RAB12: variants seen among roughly 807,000 people sequenced by gnomAD.
RAB12 encodes the protein ras-related protein Rab-12.
RAB12 carries 11 observed loss-of-function variants against 28.4 expected under a neutral mutation model. That is an observed-to-expected ratio of 0.39 (90% CI 0.24 to 0.64). The LOEUF (loss-of-function observed/expected upper bound fraction) is 0.64, where lower values mean the gene tolerates loss of function less well. RAB12 is among the 30% of genes least tolerant of loss of function. The pLI, the probability that RAB12 is intolerant of heterozygous loss-of-function variation, is 0.50. For missense variants in RAB12, 276 were observed against 351.1 expected, an observed-to-expected ratio of 0.79 and a Z score of 1.71; for synonymous variants, 138 against 145.3, an observed-to-expected ratio of 0.95 and a Z score of 0.36.
At chr18:8,623,877 T>C (rs1277809972) in intron 1 of RAB12, among the ~76,000 whole-genome samples, 4 of 152,270 alleles carry the variant, frequency 2.6e-5, no homozygotes, top group African/African-American at 9.6e-5. Flanking sequence ...CCCAGGGCTG[T>C]AAACATGCCT....
At chr18:8,618,242 C>T (rs2096007748) in intron 1 of RAB12, among the ~76,000 whole-genome samples, 1 of 152,094 alleles carries the variant, frequency 6.6e-6, no homozygotes, top group Non-Finnish European at 1.5e-5. Flanking sequence ...AGCGTGCCAA[C>T]CCTGGAGTGC....
rs2096002762 is a variant in RAB12 at position 8,609,935 on chromosome 18, G to C, written c.496G>C (p.Ala166Pro). The change falls in exon 1 of 6, where the codon GCC becomes CCC. Residue 166 changes from alanine (A) to proline (P), a missense_variant. Coordinates refer to ENST00000649141, the MANE Select transcript of RAB12 (RefSeq NM_001025300.3). ...CTTCACCGACGACACCTTCTGCGAG[G>C]CCTGCAAGTCCACCGTGGGTAAGGG... ...ERFTDDTFCE[A>P]CKSTVGVDFK... The C allele has an allele frequency of 6.2e-7, 1 of 1,608,712 alleles. No homozygotes were observed. The highest frequency in any genetic ancestry group is 8.5e-7 in the Non-Finnish European group (1 of 1,177,838).
intron 1 of RAB12, among the ~76,000 whole-genome samples, chr18:8,624,658 G>C (rs945447552): frequency 1.3e-5 from 2 of 152,174 alleles, no homozygotes; most frequent in African/African-American, 4.8e-5. Context: ...ATGCTGAACT[G>C]TGGTAGTTAT....
rs2096020214 is a variant in RAB12 at position 8,638,409 on chromosome 18, A to C, written c.*147A>C. On this transcript the variant is annotated 3_prime_UTR_variant, in exon 6 of 6. Transcript: ENST00000649141. Reference sequence around the variant, plus strand: ...CTAACTTGTAAATATGCATATATGCAATCCTGGGTAAGTTTTGGTTATAAG... The same window carrying C: ...CTAACTTGTAAATATGCATATATGCCATCCTGGGTAAGTTTTGGTTATAAG... 2 of 607,280 alleles carry C rather than the reference A, an allele frequency of 3.3e-6. No homozygotes were observed. Among genetic ancestry groups the C allele is most frequent in the South Asian group, 3.9e-5 (2 of 50,646 alleles). The allele number at this position is 607,280 out of a possible 1,614,324, so 37.6% of individuals were successfully genotyped here. A position where few individuals can be genotyped will look rare whatever the true frequency, so the allele number is the denominator to read the frequency against.
chr18:8,636,047 C>G (rs1416314507), intron 4 of RAB12: 1 of 543,628 alleles, frequency 1.8e-6, no homozygotes, highest in East Asian at 3.2e-5. Context: ...CCCGGCATCA[C>G]CTTCAGGATT....
In RAB12 at chr18:8,617,491, T is replaced by C. The variant is rs531443299; in HGVS notation, c.515-7447T>C. Among the ~76,000 whole-genome samples, 358 of 152,032 alleles carry C rather than the reference T, an allele frequency of 2.4e-3. 1 individual carries two copies. The highest frequency in any genetic ancestry group is 8.5e-3 in the African/African-American group (352 of 41,464). ...AATCTCTTCCCTTTAAATATTCTCC[T>C]CCTCTTTTGACCAGGAACTCAAATA... On this transcript the variant is annotated intron_variant, in intron 1 of 5. Coordinates refer to ENST00000649141, the MANE Select transcript of RAB12 (RefSeq NM_001025300.3).
intron 2 of RAB12, among the ~76,000 whole-genome samples, chr18:8,631,123 C>T (rs1196452628): frequency 6.6e-6 from 1 of 152,224 alleles, no homozygotes; most frequent in Admixed American, 6.5e-5. Context: ...CTCGTGGCCT[C>T]AGGTGACTTG....
At chr18:8,637,862 C>T (rs1227092243) in intron 5 of RAB12, among the ~76,000 whole-genome samples, 2 of 152,056 alleles carry the variant, frequency 1.3e-5, no homozygotes, top group Admixed American at 6.6e-5. Context: ...AATATATTTA[C>T]TATTCATTAG....
chr18:8,613,861 GTA>G (rs2096005250), intron 1 of RAB12, among the ~76,000 whole-genome samples: 24 of 152,006 alleles, frequency 1.6e-4, no homozygotes, highest in Non-Finnish European at 1.3e-4. Flanking sequence ...AGTAGTAGTA[GTA>G]GTAGTGGTCA....
chr18:8,616,706 C>G (rs1264683306), intron 1 of RAB12, among the ~76,000 whole-genome samples: 2 of 150,316 alleles, frequency 1.3e-5, no homozygotes, highest in Non-Finnish European at 1.5e-5. Context: ...TAATTTTTTA[C>G]TTAAAAAGAA....
chr18:8,635,280 T>G, intron 3 of RAB12: 1 of 283,348 alleles, frequency 3.5e-6, no homozygotes, highest in Non-Finnish European at 6.6e-6. Flanking sequence ...TAGGAAGAGG[T>G]CTTGGGAATT....
intron 1 of RAB12, among the ~76,000 whole-genome samples, chr18:8,618,898 T>G (rs1049328243): frequency 1.3e-5 from 2 of 152,248 alleles, no homozygotes; most frequent in African/African-American, 4.8e-5. Flanking sequence ...ACTGGCCTTA[T>G]GCCCACATGA....
Position 8,638,293 on chromosome 18 carries a change from T to C in RAB12, c.*31T>C. ...TACTTTGGAGACAAAGTGGAAATGA[T>C]TCCTGGAAAGGGGAAAAAACGTTCT... On this transcript the variant is annotated 3_prime_UTR_variant, in exon 6 of 6. Coordinates refer to ENST00000649141, the MANE Select transcript of RAB12 (RefSeq NM_001025300.3). 1 of 1,512,306 alleles carries C rather than the reference T, an allele frequency of 6.6e-7. No homozygotes were observed. Among genetic ancestry groups the C allele is most frequent in the Non-Finnish European group, 9.2e-7 (1 of 1,088,884 alleles). 93.7% of individuals were successfully genotyped at this position (1,512,306 alleles called of 1,614,324 possible).
intron 1 of RAB12, 113 bp from the exon 2 acceptor site, chr18:8,624,825 G>T: frequency 2.8e-6 from 2 of 715,094 alleles, no homozygotes. Context: ...GTCAGGTTTC[G>T]TGGGGTTTTC....
At chr18:8,627,523 A>G (rs542878894) in intron 2 of RAB12, among the ~76,000 whole-genome samples, 1 of 152,314 alleles carries the variant, frequency 6.6e-6, no homozygotes, top group Non-Finnish European at 1.5e-5. Flanking sequence ...AAAAAGGACC[A>G]TTTTTCTCTT....
chr18:8,620,344 A>G (rs1367280539), intron 1 of RAB12, among the ~76,000 whole-genome samples: 2 of 152,050 alleles, frequency 1.3e-5, no homozygotes, highest in Non-Finnish European at 2.9e-5. Context: ...CTGGTAGACC[A>G]GTTCTGTATC....
At chr18:8,611,824 T>C (rs2096003989) in intron 1 of RAB12, among the ~76,000 whole-genome samples, 1 of 152,214 alleles carries the variant, frequency 6.6e-6, no homozygotes, top group African/African-American at 2.4e-5. Flanking sequence ...CTCCCTACTC[T>C]GAGTGTGGTT....
Position 8,609,833 on chromosome 18 carries a change from C to T in RAB12, c.394C>T (p.Pro132Ser), listed in dbSNP as rs1371555974. The change falls in exon 1 of 6, where the codon CCC becomes TCC. Residue 132 changes from proline (P) to serine (S), a missense_variant. Around this residue, in one of 4 missense-constraint regions of RAB12, gnomAD observed 76 missense variants for 117.9 expected, o/e 0.64. Transcript: ENST00000649141. Reference sequence around the variant, plus strand: ...CCAGGGCCGCCGGAGGAAGCAGCCCCCCAGGCCGGCCGACTTCAAGTTGCA... The same window carrying T: ...CCAGGGCCGCCGGAGGAAGCAGCCCTCCAGGCCGGCCGACTTCAAGTTGCA... The part of the protein sequence containing the change: ...GGQGRRRKQP[P>S]RPADFKLQVI... The T allele has an allele frequency of 6.4e-7, 1 of 1,567,934 alleles. No homozygotes were observed. The highest frequency in any genetic ancestry group is 1.4e-5 in the African/African-American group (1 of 71,396).
chr18:8,622,593 G>A (rs1018018552), intron 1 of RAB12, among the ~76,000 whole-genome samples: 1 of 152,200 alleles, frequency 6.6e-6, no homozygotes, highest in Non-Finnish European at 1.5e-5. Flanking sequence ...TGGAGGCAGG[G>A]CAAGATCACA....
Sources: allele counts gnomAD v4.1 joint callset (sites outside exome capture counted in the v4.1 genomes callset), GRCh38; gene constraint gnomAD v4.1.1; regional missense constraint gnomAD v4.1.1; transcripts MANE v1.5; gene names NCBI Gene and HGNC (gene_info 2026-07-23, HGNC 2026-07-21).